The following TREM1 variants were observed in gnomAD, a reference collection of about 807,000 sequenced individuals.
TREM1 encodes the protein triggering receptor expressed on myeloid cells 1.
TREM1 carries 16 observed loss-of-function variants against 22.4 expected under a neutral mutation model. That is an observed-to-expected ratio of 0.71 (90% CI 0.48 to 1.08). The LOEUF is 1.08. Among genes scored for constraint, TREM1 ranks in the 50% least tolerant of loss-of-function variants. TREM1 has a pLI of 0.00. For missense variants in TREM1, 283 were observed against 282.9 expected (o/e 1.00, Z 0.00); for synonymous variants, 110 against 111.6 (o/e 0.99, Z 0.09).
chr6:41,282,264 G>T, intron 2 of TREM1, 131 bp downstream of exon 2: 1 of 714,238 alleles, frequency 1.4e-6, no homozygotes, highest in Non-Finnish European at 2.4e-6. Context: ...CTGGACCTTA[G>T]ATGAGAGATA....
At chr6:41,272,545 C>T (rs1430195361), downstream of TREM1, among the ~76,000 whole-genome samples, 1 of 152,236 alleles carries the variant, frequency 6.6e-6, no homozygotes, top group Non-Finnish European at 1.5e-5. Flanking sequence ...CAGGCTCCAC[C>T]ACCAGATATT....
chr6:41,273,611 G>A lies in TREM1; in HGVS notation c.*2514C>T, dbSNP rs2113972207. 6.6e-6 allele frequency among the ~76,000 whole-genome samples: 1 copy of A among 152,350 alleles called. No individual in the cohort carries two copies. The highest frequency in any genetic ancestry group is 2.1e-4 in the South Asian group (1 of 4,828). On this transcript the variant is annotated 3_prime_UTR_variant, in exon 4 of 4. Transcript: ENST00000244709. ...GACACCGCTGGCTCATTGAAACTGG[G>A]TAATTGAGGAGCATTTAATAAACAT...
downstream of TREM1, among the ~76,000 whole-genome samples, chr6:41,273,225 C>A (rs1387371475): frequency 6.6e-6 from 1 of 152,186 alleles, no homozygotes; most frequent in African/African-American, 2.4e-5. Flanking sequence ...GGCAACATGT[C>A]CAGACTGTCT....
chr6:41,284,233 G>A (rs1391146531), intron 1 of TREM1, among the ~76,000 whole-genome samples: 1 of 152,138 alleles, frequency 6.6e-6, no homozygotes, highest in Non-Finnish European at 1.5e-5. Flanking sequence ...AGGGAGAGGG[G>A]TGGATGCTAC....
intron 3 of TREM1, among the ~76,000 whole-genome samples, chr6:41,277,607 C>T (rs1166295105): frequency 1.3e-5 from 2 of 152,174 alleles, no homozygotes; most frequent in Admixed American, 1.3e-4. Context: ...CATGTCCACT[C>T]CCAACAGGCC....
At position 41,268,555 on chromosome 6, in the gene TREM1, C is replaced by T. The variant is rs1009898570; in HGVS notation, c.600-467G>A. Among the ~76,000 whole-genome samples, 9 of 152,272 alleles carry T rather than the reference C, an allele frequency of 5.9e-5. No homozygotes were observed. The East Asian group carries it at 1.2e-3, about 20-fold the overall frequency. On this transcript the variant is annotated intron_variant, in intron 3 of 3. Coordinates refer to the TREM1 transcript ENST00000589614. ...AAATATAGGCCTTTATTTCCCTGAA[C>T]TCAATAAAGATCAACAAACCCAAAA...
Position 41,282,495 on chromosome 6 carries a change from G to A in TREM1, c.306C>T (p.Asn102=). 1 of 1,614,184 alleles carries A rather than the reference G, an allele frequency of 6.2e-7. No individual in the cohort carries two copies. The highest frequency in any genetic ancestry group is 8.5e-7 in the Non-Finnish European group (1 of 1,180,042). Residue 102 remains asparagine (N), a synonymous_variant, in exon 2 of 4, where the codon AAC becomes AAT. Transcript: ENST00000244709. ...DHGLLRVRMV[N]LQVEDSGLYQ... ...ACAGTCCAGAATCTTCCACTTGAAG[G>A]TTGACCATTCGGACGCGCAGTAAAC...
intron 1 of TREM1, among the ~76,000 whole-genome samples, chr6:41,283,005 G>A (rs1768002229): frequency 6.6e-6 from 1 of 152,184 alleles, no homozygotes; most frequent in African/African-American, 2.4e-5. Flanking sequence ...ATGATCAGAA[G>A]AGGAAGACTG....
downstream of TREM1, among the ~76,000 whole-genome samples, chr6:41,272,924 C>T (rs1767523939): frequency 1.3e-5 from 2 of 152,138 alleles, no homozygotes; most frequent in African/African-American, 4.8e-5. Context: ...ACACCTTTTT[C>T]TTTTGGGGGC....
In TREM1 at chr6:41,276,002, C is replaced by T. The variant is rs2234246; in HGVS notation, c.*123G>A. 316,563 of 703,516 alleles carry T rather than the reference C, an allele frequency of 0.45. 73,439 individuals are homozygous for T. The highest frequency in any genetic ancestry group is 0.53 in the Middle Eastern group (1,929 of 3,660). 43.6% of individuals were successfully genotyped at this position (703,516 alleles called of 1,614,324 possible). A position where few individuals can be genotyped will look rare whatever the true frequency, so the allele number is the denominator to read the frequency against. ...GTGAGACGCTGACTTTAGAAATAGC[C>T]GGTGATTACAGATTTAATTCATGTT... On this transcript the variant is annotated 3_prime_UTR_variant, in exon 4 of 4. Transcript: ENST00000244709.
chr6:41,268,210 C>A (rs1002026777), intron 3 of TREM1: 3 of 397,116 alleles, frequency 7.6e-6, no homozygotes, highest in Admixed American at 8.8e-5. Context: ...TAGACAAGAA[C>A]AATCTGTACG....
chr6:41,270,418 CTGTT>C (rs1767443890), downstream of TREM1, among the ~76,000 whole-genome samples: 1 of 140,512 alleles, frequency 7.1e-6, no homozygotes, highest in Non-Finnish European at 1.5e-5. Flanking sequence ...ATATATGTGT[CTGTT>C]TGCACATATA....
chr6:41,280,295 T>G (rs1767853398), intron 3 of TREM1: 1 of 983,208 alleles, frequency 1.0e-6, no homozygotes, highest in Non-Finnish European at 1.2e-6. Flanking sequence ...AATTGCTAAG[T>G]TAGTGGTTCT....
intron 3 of TREM1, chr6:41,279,427 A>T (rs1767807443): frequency 1.5e-6 from 1 of 684,662 alleles, no homozygotes; most frequent in Middle Eastern, 7.5e-4. Flanking sequence ...TGGACAGCTT[A>T]CACTTAAGGC....
rs529377274 is a variant in TREM1, at chr6:41,275,443, G to T, written c.*682C>A. ...CACGGGGCTATTTTCAGGATCCAGCGATAAATGCACACAGGATGTCTGACA... is the reference window on the plus strand; with the variant it reads ...CACGGGGCTATTTTCAGGATCCAGCTATAAATGCACACAGGATGTCTGACA... On this transcript the variant is annotated 3_prime_UTR_variant, in exon 4 of 4. Coordinates refer to ENST00000244709, the MANE Select transcript of TREM1 (RefSeq NM_018643.5). The T allele has an allele frequency of 2.6e-5, 4 of 152,156 alleles. No individual in the cohort carries two copies. In the South Asian group the frequency reaches 8.3e-4, roughly 32 times the overall value. 9.4% of individuals were successfully genotyped at this position (152,156 alleles called of 1,614,324 possible).
intron 1 of TREM1, among the ~76,000 whole-genome samples, chr6:41,284,204 A>G (rs1768060824): frequency 6.6e-6 from 1 of 152,090 alleles, no homozygotes; most frequent in African/African-American, 2.4e-5. Flanking sequence ...ATATCTAGAC[A>G]TTTTTGGTTG....
chr6:41,282,790 A>AC, intron 1 of TREM1, 39 bp from the exon 2 acceptor site: 1 of 1,538,250 alleles, frequency 6.5e-7, no homozygotes, highest in Non-Finnish European at 8.8e-7. Context: ...GTGAGGAATT[A>AC]TTTTTCTCTC....
chr6:41,277,197 C>T (rs1767704467), intron 3 of TREM1, among the ~76,000 whole-genome samples: 1 of 152,154 alleles, frequency 6.6e-6, no homozygotes, highest in Non-Finnish European at 1.5e-5. Flanking sequence ...CATGCACAAA[C>T]TAGCAAAGAG....
chr6:41,282,371 C>G (rs1767955256), intron 2 of TREM1, 24 bp downstream of exon 2: 2 of 1,564,238 alleles, frequency 1.3e-6, no homozygotes, highest in East Asian at 4.5e-5. Flanking sequence ...GCCCTTCTTT[C>G]CCCCCAAGTC....
Sources: gnomAD v4.1 joint callset for allele counts (sites outside exome capture counted in the v4.1 genomes callset) on GRCh38, gnomAD v4.1.1 for gene constraint, MANE v1.5 for transcripts, NCBI Gene and HGNC (gene_info 2026-07-23, HGNC 2026-07-21) for gene names.